COTL1: variants seen among roughly 807,000 people sequenced by gnomAD.
COTL1 encodes coactosin like F-actin binding protein 1, also known as coactosin-like protein.
In COTL1, 15 loss-of-function variants were observed where a neutral mutation model predicts 16.5. The observed-to-expected ratio is 0.91, with a 90% CI of 0.61 to 1.40. The LOEUF is 1.40. Ranked by LOEUF, COTL1 falls within the 40% of genes most tolerant of loss-of-function variation. The pLI, the probability that COTL1 is intolerant of heterozygous loss-of-function variation, is 0.00. For synonymous variants in COTL1, 112 were observed against 85.3 expected, an observed-to-expected ratio of 1.31 and a Z score of -1.73; for missense variants, 220 against 201.5, an observed-to-expected ratio of 1.09 and a Z score of -0.56.
At chr16:84,617,674 G>A in intron 1 of COTL1, 91 bp from the exon 2 acceptor site, 2 of 1,424,876 alleles carry the variant, frequency 1.4e-6, no homozygotes, top group Admixed American at 2.0e-5. Flanking sequence ...TAACAGACGC[G>A]CTGGCCACGG....
chr16:84,614,213 C>T (rs562953865), intron 2 of COTL1, among the ~76,000 whole-genome samples: 10 of 152,300 alleles, frequency 6.6e-5, no homozygotes, highest in East Asian at 3.9e-4. Flanking sequence ...CCATCCCAGG[C>T]GAACTGAGCT....
chr16:84,578,880 TACACACAGACGCATGC>T (rs1904512702), intron 3 of COTL1, among the ~76,000 whole-genome samples: 1 of 148,938 alleles, frequency 6.7e-6, no homozygotes, highest in South Asian at 2.1e-4. Flanking sequence ...CAGGCATGCA[TACACACAGACGCATGC>T]ACACACAGAC....
Position 84,573,768 on chromosome 16 carries a change from TACACACACACAC to T in COTL1, c.319-6825_319-6814del, listed in dbSNP as rs3086225. On this transcript the variant is annotated intron_variant, in intron 3 of 3. Transcript: ENST00000262428. The stretch of plus-strand genomic sequence containing the variant: ...AAAAAAAAAAATATATATATATACA[TACACACACACAC>T]ACACACACACACACTCAACGAGTAG... Among the ~76,000 whole-genome samples, 4 of 146,140 alleles carry T rather than the reference TACACACACACAC, an allele frequency of 2.7e-5. No homozygotes were observed. The East Asian group carries it at 6.0e-4, about 22-fold the overall frequency.
chr16:84,600,218 CA>C (rs891009172), intron 2 of COTL1, among the ~76,000 whole-genome samples: 33 of 151,762 alleles, frequency 2.2e-4, no homozygotes, highest in African/African-American at 7.5e-4. Flanking sequence ...AAAAACTTTG[CA>C]AAAGTATTAA....
At chr16:84,591,472 C>A (rs1904860963) in intron 2 of COTL1, among the ~76,000 whole-genome samples, 1 of 146,530 alleles carries the variant, frequency 6.8e-6, no homozygotes, top group Non-Finnish European at 1.5e-5. Flanking sequence ...GCGTGAGCCA[C>A]CGCGCCCAGC....
At chr16:84,578,507 G>A (rs1002473257) in intron 3 of COTL1, among the ~76,000 whole-genome samples, 1 of 152,158 alleles carries the variant, frequency 6.6e-6, no homozygotes, top group Non-Finnish European at 1.5e-5. Flanking sequence ...TGAGGACAAA[G>A]GAAGTGAAGT....
chr16:84,604,380 C>G (rs934522892), intron 2 of COTL1, among the ~76,000 whole-genome samples: 1 of 144,572 alleles, frequency 6.9e-6, no homozygotes, highest in Non-Finnish European at 1.5e-5. Flanking sequence ...CACCCAGGAG[C>G]CTCATCCTCC....
chr16:84,615,146 G>A lies in COTL1; in HGVS notation c.160+2355C>T, dbSNP rs184681564. 2.4e-4 allele frequency among the ~76,000 whole-genome samples: 37 copies of A among 152,340 alleles called. No homozygotes were observed. The East Asian group carries it at 6.4e-3, about 26-fold the overall frequency. Reference sequence around the variant, plus strand: ...ACGACAGGAAGGAACAAGCGTTTCCGAGAGGAACAAGAGCAGACACGGCAA... The same window carrying A: ...ACGACAGGAAGGAACAAGCGTTTCCAAGAGGAACAAGAGCAGACACGGCAA... On this transcript the variant is annotated intron_variant, in intron 2 of 3. Coordinates refer to ENST00000262428, the MANE Select transcript of COTL1 (RefSeq NM_021149.5).
At chr16:84,601,624 T>C (rs544889361) in intron 2 of COTL1, among the ~76,000 whole-genome samples, 2 of 152,270 alleles carry the variant, frequency 1.3e-5, no homozygotes, top group South Asian at 4.1e-4. Flanking sequence ...ACCCAGCTAA[T>C]TTTTGTATTT....
intron 2 of COTL1, among the ~76,000 whole-genome samples, chr16:84,594,075 T>C (rs1285591370): frequency 2.0e-5 from 3 of 149,454 alleles, no homozygotes; most frequent in South Asian, 2.1e-4. Context: ...TCTCCAAGGA[T>C]CATCCCTGCT....
At chr16:84,608,840 G>T in intron 2 of COTL1, among the ~76,000 whole-genome samples, 1 of 152,186 alleles carries the variant, frequency 6.6e-6, no homozygotes, top group Non-Finnish European at 1.5e-5. Context: ...GGGAGGCAGA[G>T]GTTGCAGTGA....
rs755286238 is a variant in COTL1, at chr16:84,566,833, C to T, written c.*12G>A. ...ATGACTTTGGCAAGGGGTGGTGTGG[C>T]GGGGGCTGGGGTTACTCCGTCTGGG... On this transcript the variant is annotated 3_prime_UTR_variant, in exon 4 of 4. Transcript: ENST00000262428. 1.2e-5 allele frequency: 18 copies of T among 1,556,080 alleles called. No individual in the cohort carries two copies. The East Asian group carries it at 3.0e-4, about 26-fold the overall frequency.
chr16:84,585,944 T>A (rs549608971), intron 3 of COTL1, among the ~76,000 whole-genome samples: 12 of 152,296 alleles, frequency 7.9e-5, no homozygotes, highest in African/African-American at 2.9e-4. Flanking sequence ...TTCACCAGCA[T>A]CCCTTTCTCT....
intron 2 of COTL1, among the ~76,000 whole-genome samples, chr16:84,608,377 A>G (rs1257811888): frequency 6.6e-6 from 1 of 152,106 alleles, no homozygotes; most frequent in Non-Finnish European, 1.5e-5. Flanking sequence ...ATCCTTCATC[A>G]TTTTCTGTTT....
At chr16:84,593,566 C>A (rs1260529869) in intron 2 of COTL1, among the ~76,000 whole-genome samples, 2 of 151,040 alleles carry the variant, frequency 1.3e-5, no homozygotes, top group Non-Finnish European at 2.9e-5. Flanking sequence ...GGCTGGAGTG[C>A]AGTGGCGCGA....
intron 2 of COTL1, among the ~76,000 whole-genome samples, chr16:84,605,339 C>G (rs1168844646): frequency 6.6e-6 from 1 of 152,240 alleles, no homozygotes; most frequent in Non-Finnish European, 1.5e-5. Context: ...GGGATAACAA[C>G]AGGGCCCGCG....
chr16:84,610,021 G>A (rs921912462), intron 2 of COTL1, among the ~76,000 whole-genome samples: 1 of 152,192 alleles, frequency 6.6e-6, no homozygotes, highest in African/African-American at 2.4e-5. Flanking sequence ...TGGTGTGGGG[G>A]TAGGAACACA....
chr16:84,615,906 T>A (rs970160362), intron 2 of COTL1: 1 of 150,900 alleles, frequency 6.6e-6, no homozygotes, highest in Non-Finnish European at 1.5e-5. Flanking sequence ...GTATCACCCA[T>A]CCTCTAGTAG....
chr16:84,589,468 G>T (rs979887132), intron 3 of COTL1, among the ~76,000 whole-genome samples: 1 of 152,158 alleles, frequency 6.6e-6, no homozygotes, highest in Non-Finnish European at 1.5e-5. Flanking sequence ...AAGAGGGAGA[G>T]ATTCCCTACT....
Sources: allele counts gnomAD v4.1 joint callset (sites outside exome capture counted in the v4.1 genomes callset), GRCh38; gene constraint gnomAD v4.1.1; transcripts MANE v1.5; gene names NCBI Gene and HGNC (gene_info 2026-07-23, HGNC 2026-07-21).